DOP1B: variants seen among roughly 807,000 people sequenced by gnomAD.
The protein encoded by DOP1B is protein DOP1B.
A neutral mutation model predicts 233.5 loss-of-function variants in DOP1B; 174 were observed. The ratio of observed to expected loss-of-function variants is 0.75; its 90% CI spans 0.66 to 0.85. The LOEUF (loss-of-function observed/expected upper bound fraction) is 0.85, where lower values mean the gene tolerates loss of function less well. Ranked by LOEUF, DOP1B falls within the 40% of genes least tolerant of loss-of-function variation. The pLI, the probability that DOP1B is intolerant of heterozygous loss-of-function variation, is 0.00. For synonymous variants in DOP1B, 1,190 were observed against 1,185.6 expected, an observed-to-expected ratio of 1.00 and a Z score of -0.08; for missense variants, 2,652 against 2,846.6, an observed-to-expected ratio of 0.93 and a Z score of 1.56.
In DOP1B at chr21:36,248,442, G is replaced by C; in HGVS notation, c.4872G>C (p.Leu1624=). The change falls in exon 21 of 37, where the codon CTG becomes CTC. Residue 1624 remains leucine, a synonymous_variant. Coordinates refer to ENST00000691173, the MANE Select transcript of DOP1B (RefSeq NM_001320714.2). ...CCAGAAATGCCATTTTGGAAGAGCTGCCTCGAACTGTTAACACCATGGCCC... is the reference window on the plus strand; with the variant it reads ...CCAGAAATGCCATTTTGGAAGAGCTCCCTCGAACTGTTAACACCATGGCCC... ...RNARNAILEE[L]PRTVNTMALL... The C allele has an allele frequency of 6.2e-7, 1 of 1,614,052 alleles. No homozygotes were observed. The highest frequency in any genetic ancestry group is 1.7e-4 in the Middle Eastern group (1 of 6,060).
chr21:36,181,504 C>T (rs1456982599), intron 2 of DOP1B, among the ~76,000 whole-genome samples: 8 of 152,110 alleles, frequency 5.3e-5, no homozygotes, highest in Non-Finnish European at 1.2e-4. Flanking sequence ...GTCATGAACT[C>T]CTGACCTCAT....
chr21:36,163,360 G>A (rs60955586), intron 1 of DOP1B, among the ~76,000 whole-genome samples: 108,755 of 139,118 alleles, frequency 0.78, 43,351 homozygotes, highest in Non-Finnish European at 0.86. Flanking sequence ...AAAAAAAAAA[G>A]AAAGAAAGAA....
intron 12 of DOP1B, 27 bp from the exon 13 acceptor site, chr21:36,227,659 G>T: frequency 6.8e-7 from 1 of 1,466,404 alleles, no homozygotes; most frequent in Non-Finnish European, 9.1e-7. Context: ...CAACATTGTG[G>T]GGTTAACCTA....
chr21:36,216,826 C>T (rs1601419128), intron 9 of DOP1B, among the ~76,000 whole-genome samples: 1 of 151,976 alleles, frequency 6.6e-6, no homozygotes, highest in East Asian at 1.9e-4. Flanking sequence ...CCTGTAATCC[C>T]AGCACTTTGG....
rs956407486 is a variant in DOP1B at position 36,211,970 on chromosome 21, A to G, written c.781-4A>G. 3 of 1,613,840 alleles carry G rather than the reference A, an allele frequency of 1.9e-6. No homozygotes were observed. The highest frequency in any genetic ancestry group is 2.5e-6 in the Non-Finnish European group (3 of 1,179,912). On this transcript the variant is annotated splice_polypyrimidine_tract_variant and splice_region_variant and intron_variant, in intron 6 of 36. Transcript: ENST00000691173. Reference sequence around the variant, plus strand: ...TGCAGTAAATTTCTCTGTCCTTCTAATAGGATTCCAATGAGAGAGCCATCC... The same window carrying G: ...TGCAGTAAATTTCTCTGTCCTTCTAGTAGGATTCCAATGAGAGAGCCATCC...
At chr21:36,162,820 A>G (rs1422031419) in intron 1 of DOP1B, among the ~76,000 whole-genome samples, 1 of 152,126 alleles carries the variant, frequency 6.6e-6, no homozygotes, top group Non-Finnish European at 1.5e-5. Context: ...TGCTGAGATT[A>G]CAGGTGTGAG....
rs2066834959 is a variant in DOP1B at position 36,236,978 on chromosome 21, T to C, written c.2623-284T>C. Among the ~76,000 whole-genome samples the C allele has an allele frequency of 2.0e-5, 3 of 151,902 alleles. No individual in the cohort carries two copies. The South Asian group carries it at 6.2e-4, about 32-fold the overall frequency. On this transcript the variant is annotated intron_variant, in intron 15 of 36. Coordinates refer to ENST00000691173, the MANE Select transcript of DOP1B (RefSeq NM_001320714.2). Reference sequence around the variant, plus strand: ...TTTTGTATTTTTAGTAGAGTTGGGGTTTTGCCATGTTGACCAGGCTGGTCT... The same window carrying C: ...TTTTGTATTTTTAGTAGAGTTGGGGCTTTGCCATGTTGACCAGGCTGGTCT...
At chr21:36,206,231 G>A (rs2066423965) in intron 4 of DOP1B, among the ~76,000 whole-genome samples, 1 of 152,024 alleles carries the variant, frequency 6.6e-6, no homozygotes, top group Non-Finnish European at 1.5e-5. Context: ...AGAATAAAAT[G>A]AGACTTAAAA....
chr21:36,186,167 C>T (rs1224510785), intron 2 of DOP1B, among the ~76,000 whole-genome samples: 1 of 151,830 alleles, frequency 6.6e-6, no homozygotes, highest in Non-Finnish European at 1.5e-5. Flanking sequence ...TGCGCCACTG[C>T]ACTCCAGCCT....
At chr21:36,191,104 AC>A (rs1297463790) in intron 2 of DOP1B, among the ~76,000 whole-genome samples, 1 of 152,178 alleles carries the variant, frequency 6.6e-6, no homozygotes, top group Non-Finnish European at 1.5e-5. Flanking sequence ...GGATCCAAAT[AC>A]TTCTTACCTT....
Position 36,246,703 on chromosome 21 carries a change from T to C in DOP1B, c.4697+26T>C. ...GTGCGTTACGCTCCTTGTGACATCT[T>C]TATTGCTTTAGTGATGGTTTTTATA... On this transcript the variant is annotated intron_variant, in intron 19 of 36. Coordinates refer to ENST00000691173, the MANE Select transcript of DOP1B (RefSeq NM_001320714.2). This position sits in a 1 kb window ranked among gnomAD's most constrained non-coding sequence, Gnocchi z 5.1. 1 of 1,582,746 alleles carries C rather than the reference T, an allele frequency of 6.3e-7. No homozygotes were observed. The highest frequency in any genetic ancestry group is 8.6e-7 in the Non-Finnish European group (1 of 1,158,746).
intron 18 of DOP1B, among the ~76,000 whole-genome samples, chr21:36,242,709 GA>G (rs1325699061): frequency 1.3e-5 from 2 of 152,116 alleles, no homozygotes; most frequent in African/African-American, 4.8e-5. Flanking sequence ...CTCCGAATAG[GA>G]GAGAACATCT....
At chr21:36,273,338 C>T (rs1043902301) in intron 27 of DOP1B, among the ~76,000 whole-genome samples, 7 of 151,580 alleles carry the variant, frequency 4.6e-5, no homozygotes, top group African/African-American at 1.5e-4. Flanking sequence ...ACCTGGGAGG[C>T]AGAGGCTGCA....
chr21:36,184,343 C>G (rs991092017), intron 2 of DOP1B, among the ~76,000 whole-genome samples: 5 of 152,120 alleles, frequency 3.3e-5, no homozygotes, highest in Admixed American at 1.3e-4. Flanking sequence ...GCCACCACGC[C>G]CGGCCTAATT....
Position 36,212,061 on chromosome 21 carries a change from A to T in DOP1B, c.868A>T (p.Met290Leu). ...CACCCAGACCCTACTGAGAAGGGAC[A>T]TGTCCCTGAACAGAAGACTGTATGC... ...AATQTLLRRD[M>L]SLNRRLYAWL... is the part of the protein sequence containing the mutation. Residue 290 changes from methionine to leucine, a missense_variant, in exon 7 of 37, where the codon ATG becomes TTG. By Grantham distance (15) the Met-to-Leu change is conservative. Around this residue, in one of 3 missense-constraint regions of DOP1B, gnomAD observed 2,617 missense variants for 2,794.3 expected, o/e 0.94. Coordinates refer to ENST00000691173, the MANE Select transcript of DOP1B (RefSeq NM_001320714.2). 2 of 1,613,860 alleles carry T rather than the reference A, an allele frequency of 1.2e-6. No homozygotes were observed.
rs770393670 is a variant in DOP1B at position 36,214,514 on chromosome 21, C to T, written c.1087C>T (p.Pro363Ser). Reference sequence around the variant, plus strand: ...GGAACGCCATCATGCATACCTGAAGCCTTTTCGCGTCCTCATCAGTCTGCT... The same window carrying T: ...GGAACGCCATCATGCATACCTGAAGTCTTTTCGCGTCCTCATCAGTCTGCT... ...VEERHHAYLK[P>S]FRVLISLLDK... Residue 363 changes from proline (P) to serine (S), a missense_variant, in exon 9 of 37, where the codon CCT (proline) becomes TCT (serine). By Grantham distance (74) the Pro-to-Ser change is moderately conservative. Coordinates refer to ENST00000691173, the MANE Select transcript of DOP1B (RefSeq NM_001320714.2). The T allele has an allele frequency of 4.3e-6, 7 of 1,613,860 alleles. No homozygotes were observed. Among genetic ancestry groups the T allele is most frequent in the Non-Finnish European group, 5.9e-6 (7 of 1,180,032 alleles).
intron 11 of DOP1B, 136 bp downstream of exon 11, chr21:36,223,486 A>G (rs2066649311): frequency 1.7e-6 from 2 of 1,155,050 alleles, no homozygotes; most frequent in Non-Finnish European, 2.4e-6. Context: ...AAATTCAACT[A>G]AAACAGGATT....
At position 36,245,809 on chromosome 21, in the gene DOP1B, C is replaced by T. The variant is rs753207716; in HGVS notation, c.3829C>T (p.Leu1277Phe). The T allele has an allele frequency of 2.5e-6, 4 of 1,613,968 alleles. No individual in the cohort carries two copies. In the South Asian group the frequency reaches 3.3e-5, roughly 13 times the overall value. The change falls in exon 19 of 37, where the codon CTC becomes TTC. Residue 1277 changes from leucine (L) to phenylalanine (F), a missense_variant. Transcript: ENST00000691173. This position sits in a 1 kb window ranked among gnomAD's most constrained non-coding sequence, Gnocchi z 5.5. Reference sequence around the variant, plus strand: ...TACCAGCTCCACCGCGCACCTCAACCTCATCTCCAACCTCCTCGCTCGCCA... The same window carrying T: ...TACCAGCTCCACCGCGCACCTCAACTTCATCTCCAACCTCCTCGCTCGCCA... ...MDTSSTAHLN[L>F]ISNLLARHQE...
Position 36,242,218 on chromosome 21 carries a change from G to C in DOP1B, c.3067+2263G>C, listed in dbSNP as rs549959973. ...AGAAGAGTCTCACTCTGTTGCCCAG[G>C]CTGGAGTACAGTGGTGTGATCCCAA... On this transcript the variant is annotated intron_variant, in intron 18 of 36. Coordinates refer to ENST00000691173, the MANE Select transcript of DOP1B (RefSeq NM_001320714.2). 1.4e-4 allele frequency among the ~76,000 whole-genome samples: 21 copies of C among 149,550 alleles called. 1 individual carries two copies. Among genetic ancestry groups the C allele is most frequent in the African/African-American group, 4.9e-4 (20 of 40,626 alleles).
Sources: allele counts gnomAD v4.1 joint callset (sites outside exome capture counted in the v4.1 genomes callset), GRCh38; gene constraint gnomAD v4.1.1; regional missense constraint gnomAD v4.1.1; non-coding constraint Gnocchi (gnomAD v3.1); transcripts MANE v1.5; gene names NCBI Gene and HGNC (gene_info 2026-07-23, HGNC 2026-07-21).